Variants in LRMDA observed in about 807,000 individuals in gnomAD.
The protein encoded by LRMDA is leucine-rich melanocyte differentiation-associated protein.
LRMDA carries 18 observed loss-of-function variants against 29.8 expected under a neutral mutation model. The observed-to-expected ratio is 0.60, with a 90% CI of 0.42 to 0.90. The LOEUF (loss-of-function observed/expected upper bound fraction) is 0.90. Ranked by LOEUF, LRMDA falls within the 40% of genes least tolerant of loss-of-function variation. The pLI is 0.00. For missense variants in LRMDA, 273 were observed against 273.9 expected (o/e 1.00, Z 0.02); for synonymous variants, 125 against 109.4 (o/e 1.14, Z -0.89).
chr10:75,701,068 G>T (rs889245050), intron 2 of LRMDA, among the ~76,000 whole-genome samples: 1 of 152,200 alleles, frequency 6.6e-6, no homozygotes, highest in African/African-American at 2.4e-5. Flanking sequence ...GAGAACTCCT[G>T]CATTGAGTGT....
At chr10:75,952,357 A>C (rs1035482294) in intron 2 of LRMDA, among the ~76,000 whole-genome samples, 2 of 152,230 alleles carry the variant, frequency 1.3e-5, no homozygotes, top group African/African-American at 4.8e-5. Context: ...TTAAATTGTC[A>C]AAAATCATAT....
chr10:76,293,138 A>C (rs1840370161), intron 5 of LRMDA, among the ~76,000 whole-genome samples: 1 of 151,948 alleles, frequency 6.6e-6, no homozygotes, highest in South Asian at 2.1e-4. Context: ...GTGCCACCAC[A>C]CCTGGCTAAT....
intron 6 of LRMDA, among the ~76,000 whole-genome samples, chr10:76,480,442 G>T (rs1842723291): frequency 1.3e-5 from 2 of 149,312 alleles, no homozygotes; most frequent in Middle Eastern, 3.4e-3. Flanking sequence ...AGAGCTGGAA[G>T]AAATTTTAAA....
chr10:75,911,676 T>A (rs1589250469), intron 2 of LRMDA, among the ~76,000 whole-genome samples: 2 of 152,188 alleles, frequency 1.3e-5, no homozygotes, highest in East Asian at 3.8e-4. Flanking sequence ...AATCACTCAC[T>A]GTTCTTCAGT....
At chr10:75,645,745 T>C (rs1589144938) in intron 2 of LRMDA, among the ~76,000 whole-genome samples, 1 of 151,872 alleles carries the variant, frequency 6.6e-6, no homozygotes, top group African/African-American at 2.4e-5. Flanking sequence ...GCTGGTGGAG[T>C]AGAGAGATGA....
chr10:75,766,244 C>A (rs1038458998), intron 2 of LRMDA, among the ~76,000 whole-genome samples: 4 of 152,148 alleles, frequency 2.6e-5, no homozygotes, highest in Non-Finnish European at 4.4e-5. Context: ...AGAGTAGGTC[C>A]TCTATAAACA....
chr10:76,503,175 C>T (rs1180259306), intron 6 of LRMDA, among the ~76,000 whole-genome samples: 1 of 151,898 alleles, frequency 6.6e-6, no homozygotes, highest in African/African-American at 2.4e-5. Flanking sequence ...GGTTTTAATT[C>T]TGTTTATGTG....
chr10:75,730,111 G>A (rs1288115159), intron 2 of LRMDA, among the ~76,000 whole-genome samples: 1 of 151,990 alleles, frequency 6.6e-6, no homozygotes, highest in Non-Finnish European at 1.5e-5. Context: ...CACCACACCT[G>A]GCCTCTGGCT....
At chr10:76,455,391 C>A (rs145055100) in intron 6 of LRMDA, among the ~76,000 whole-genome samples, 410 of 152,250 alleles carry the variant, frequency 2.7e-3, no homozygotes, top group African/African-American at 9.6e-3. Flanking sequence ...CGGCTGGTCA[C>A]CTCTTCCTGC....
chr10:75,698,994 A>C (rs1456707580), intron 2 of LRMDA, among the ~76,000 whole-genome samples: 1 of 152,148 alleles, frequency 6.6e-6, no homozygotes, highest in African/African-American at 2.4e-5. Flanking sequence ...TGAGGTCAGG[A>C]GCTCGAGACC....
At chr10:75,569,922 A>C (rs561865791) in intron 2 of LRMDA, among the ~76,000 whole-genome samples, 59 of 152,390 alleles carry the variant, frequency 3.9e-4, no homozygotes, top group African/African-American at 1.3e-3. Context: ...GGCATGGCCA[A>C]TGCTGTTCTC....
chr10:76,478,495 C>T (rs936114014), intron 6 of LRMDA, among the ~76,000 whole-genome samples: 10 of 152,096 alleles, frequency 6.6e-5, no homozygotes, highest in African/African-American at 2.4e-4. Context: ...GTGGCAATTC[C>T]TCAGGGATCT....
chr10:75,836,194 G>A (rs867623723), intron 2 of LRMDA, among the ~76,000 whole-genome samples: 9 of 152,198 alleles, frequency 5.9e-5, no homozygotes, highest in Admixed American at 2.0e-4. Context: ...GTAGGAGAAA[G>A]CAGGTCCTTT....
intron 2 of LRMDA, among the ~76,000 whole-genome samples, chr10:75,568,604 C>G (rs1275835602): frequency 6.6e-6 from 1 of 152,134 alleles, no homozygotes; most frequent in Non-Finnish European, 1.5e-5. Context: ...AACTAGCTTG[C>G]TTTGGGCAAG....
chr10:76,249,725 C>T (rs184459337), intron 5 of LRMDA, among the ~76,000 whole-genome samples: 2 of 152,112 alleles, frequency 1.3e-5, no homozygotes, highest in East Asian at 1.9e-4. Flanking sequence ...CCAGGTAGAT[C>T]GACTAAAATG....
intron 2 of LRMDA, among the ~76,000 whole-genome samples, chr10:75,661,936 T>C (rs546101991): frequency 4.1e-4 from 63 of 152,310 alleles, no homozygotes; most frequent in African/African-American, 1.4e-3. Flanking sequence ...AGTTCCAGTA[T>C]ACCAGACAAA....
At chr10:76,357,921 C>T (rs74148454) in intron 6 of LRMDA, among the ~76,000 whole-genome samples, 3,217 of 152,200 alleles carry the variant, frequency 0.021, 125 homozygotes, top group African/African-American at 0.071. Context: ...AAACTCTTGA[C>T]TTTGAGGAGC....
chr10:76,112,706 C>G (rs1849601692), intron 5 of LRMDA, among the ~76,000 whole-genome samples: 1 of 152,230 alleles, frequency 6.6e-6, no homozygotes, highest in African/African-American at 2.4e-5. Context: ...CTCCCGGAGC[C>G]CCCAGTGCAA....
At chr10:76,058,190 C>T (rs1022393274) in intron 4 of LRMDA, among the ~76,000 whole-genome samples, 2 of 152,240 alleles carry the variant, frequency 1.3e-5, no homozygotes, top group Non-Finnish European at 2.9e-5. Context: ...AAGCATTTCT[C>T]AGCTACATGT....
Sources: gnomAD v4.1 joint callset for allele counts (sites outside exome capture counted in the v4.1 genomes callset) on GRCh38, gnomAD v4.1.1 for gene constraint, MANE v1.5 for transcripts, NCBI Gene and HGNC (gene_info 2026-07-23, HGNC 2026-07-21) for gene names.